Variants in PPEF1 observed in about 807,000 individuals in gnomAD.
PPEF1 encodes the protein protein phosphatase with EF-hand domain 1.
Under a neutral mutation model 53.3 loss-of-function variants are expected in PPEF1, and 12 were observed. The observed-to-expected ratio is 0.23, with a 90% CI of 0.14 to 0.36. The LOEUF is 0.36. Among genes scored for constraint, PPEF1 ranks in the 10% least tolerant of loss-of-function variants. The pLI is 1.00. For missense variants in PPEF1, 334 were observed against 490.4 expected (o/e 0.68, Z 3.01); for synonymous variants, 165 against 176.7 (o/e 0.93, Z 0.52).
At chrX:18,780,448 G>A (rs1275041163) in intron 7 of PPEF1, among the ~76,000 whole-genome samples, 1 of 112,403 alleles carries the variant, frequency 8.9e-6, no homozygotes, top group East Asian at 2.8e-4. Context: ...ACAGGGTGGT[G>A]CCTGATAGGG....
intron 1 of PPEF1, among the ~76,000 whole-genome samples, chrX:18,725,454 G>T (rs1006818491): frequency 9.0e-6 from 1 of 111,648 alleles, no homozygotes; most frequent in Non-Finnish European, 1.9e-5. Flanking sequence ...AACTGGATCC[G>T]ACGACTGTTA....
intron 3 of PPEF1, among the ~76,000 whole-genome samples, chrX:18,744,574 A>C (rs2045280794): frequency 9.0e-6 from 1 of 111,360 alleles, no homozygotes; most frequent in South Asian, 3.8e-4. Context: ...AGTGGGATGG[A>C]GTGTGTGGAA....
At chrX:18,707,894 T>C in intron 1 of PPEF1, 68 bp downstream of exon 1, 1 of 1,001,894 alleles carries the variant, frequency 1.0e-6, no homozygotes, top group Admixed American at 2.3e-5. Flanking sequence ...CACCCTCTTC[T>C]CCTTTCTCAT....
chrX:18,718,107 A>G (rs140746962), intron 1 of PPEF1, among the ~76,000 whole-genome samples: 4,307 of 111,905 alleles, frequency 0.038, 233 homozygotes, highest in African/African-American at 0.13. Context: ...TATGAAACAG[A>G]CAAAACAAAA....
At chrX:18,791,067 C>G (rs928211287) in intron 10 of PPEF1, among the ~76,000 whole-genome samples, 3 of 111,904 alleles carry the variant, frequency 2.7e-5, no homozygotes, top group Non-Finnish European at 5.6e-5. Flanking sequence ...GGGTTTATTT[C>G]TAGACTCTTA....
In PPEF1 at chrX:18,742,210, T is replaced by C. The variant is rs1023684369; in HGVS notation, c.236-7582T>C. Reference sequence around the variant, plus strand: ...TTACTAATATACCATAATTGATCCATTCGATTGTGTATGGGCATTTGAGTT... The same window carrying C: ...TTACTAATATACCATAATTGATCCACTCGATTGTGTATGGGCATTTGAGTT... On this transcript the variant is annotated intron_variant, in intron 3 of 15. Coordinates refer to ENST00000470157, the MANE Select transcript of PPEF1 (RefSeq NM_001377996.1). Among the ~76,000 whole-genome samples, 11 of 111,984 alleles carry C rather than the reference T, an allele frequency of 9.8e-5. No individual in the cohort carries two copies. The East Asian group carries it at 2.0e-3, about 20-fold the overall frequency.
chrX:18,676,049 T>G (rs1357994255), exon 1 of PPEF1: 1 of 106,254 alleles, frequency 9.4e-6, no homozygotes, highest in Non-Finnish European at 1.9e-5. Flanking sequence ...GGTCGGTAGG[T>G]TGATAAGTGA....
intron 12 of PPEF1, among the ~76,000 whole-genome samples, chrX:18,809,556 TTA>T (rs2046761702): frequency 9.1e-6 from 1 of 109,484 alleles, no homozygotes; most frequent in African/African-American, 3.3e-5. Context: ...AATACAAAAA[TTA>T]GCTGGACGTG....
intron 3 of PPEF1, among the ~76,000 whole-genome samples, chrX:18,690,586 G>A (rs748447892): frequency 6.0e-4 from 67 of 111,634 alleles, no homozygotes; most frequent in African/African-American, 2.0e-3. Flanking sequence ...TGTTGGCCAG[G>A]CTGGTCTTGA....
chrX:18,774,385 G>A (rs1029490153), intron 6 of PPEF1, among the ~76,000 whole-genome samples: 1 of 112,351 alleles, frequency 8.9e-6, no homozygotes, highest in Non-Finnish European at 1.9e-5. Flanking sequence ...CACGGCGCCC[G>A]GCCAGGGACT....
intron 1 of PPEF1, among the ~76,000 whole-genome samples, chrX:18,728,167 C>CTCTG (rs1380933035): frequency 4.5e-5 from 5 of 110,577 alleles, no homozygotes; most frequent in Non-Finnish European, 7.6e-5. Flanking sequence ...CTCTCTCTCT[C>CTCTG]TCTGTCTCTC....
At chrX:18,739,289 A>T (rs1280931436) in intron 3 of PPEF1, among the ~76,000 whole-genome samples, 1 of 112,044 alleles carries the variant, frequency 8.9e-6, no homozygotes, top group East Asian at 2.8e-4. Context: ...GTCTTTGATG[A>T]TGGTGACCTA....
chrX:18,791,864 T>A (rs770172966), intron 10 of PPEF1, among the ~76,000 whole-genome samples: 6 of 112,398 alleles, frequency 5.3e-5, no homozygotes, highest in Admixed American at 9.5e-5. Context: ...CTTTCTATGC[T>A]TAGTTTATTG....
chrX:18,814,544 G>A (rs1462051283), intron 12 of PPEF1, among the ~76,000 whole-genome samples: 1 of 111,903 alleles, frequency 8.9e-6, no homozygotes, highest in Non-Finnish European at 1.9e-5. Context: ...TCTGACTGGT[G>A]TGAGATGGTA....
chrX:18,686,876 CT>C (rs34702182), intron 3 of PPEF1, among the ~76,000 whole-genome samples: 52,138 of 109,868 alleles, frequency 0.47, 9,077 homozygotes, highest in East Asian at 0.69. Context: ...ACACAGAGCG[CT>C]TGGTTTTCGT....
At chrX:18,787,821 G>A (rs2046239411) in intron 9 of PPEF1, among the ~76,000 whole-genome samples, 1 of 110,215 alleles carries the variant, frequency 9.1e-6, no homozygotes, top group South Asian at 3.9e-4. Flanking sequence ...CCCAAGTCCA[G>A]AGGGTCCTCC....
chrX:18,800,527 C>T (rs891607924), intron 10 of PPEF1, among the ~76,000 whole-genome samples: 5 of 111,424 alleles, frequency 4.5e-5, no homozygotes, highest in African/African-American at 1.6e-4. Context: ...TATGGCATAA[C>T]AACTATTTAC....
chrX:18,795,761 G>C (rs763319924), intron 10 of PPEF1, among the ~76,000 whole-genome samples: 1 of 111,899 alleles, frequency 8.9e-6, no homozygotes, highest in East Asian at 2.8e-4. Context: ...ACCTGATGAC[G>C]TAGATAATAT....
chrX:18,698,865 G>C (rs1053845247), intron 5 of PPEF1, among the ~76,000 whole-genome samples: 1 of 111,752 alleles, frequency 8.9e-6, no homozygotes, highest in African/African-American at 3.3e-5. Context: ...CATGTAAAAG[G>C]GCAAATTACA....
Sources: gnomAD v4.1 joint callset for allele counts (sites outside exome capture counted in the v4.1 genomes callset) on GRCh38, gnomAD v4.1.1 for gene constraint, MANE v1.5 for transcripts, NCBI Gene and HGNC (gene_info 2026-07-23, HGNC 2026-07-21) for gene names.